GLIS3: variants seen among roughly 807,000 people sequenced by gnomAD.
The protein encoded by GLIS3 is zinc finger protein GLIS3.
Under a neutral mutation model 78.6 loss-of-function variants are expected in GLIS3, and 53 were observed. That is an observed-to-expected ratio of 0.67 (90% CI 0.54 to 0.85). The LOEUF (loss-of-function observed/expected upper bound fraction) is 0.85, where lower values mean the gene tolerates loss of function less well. Among genes scored for constraint, GLIS3 ranks in the 40% least tolerant of loss-of-function variants. The pLI is 0.00. For synonymous variants in GLIS3, 684 were observed against 509.9 expected (o/e 1.34, Z -4.60); for missense variants, 1,703 against 1,231.1 (o/e 1.38, Z -5.74).
chr9:3,986,796 G>A (rs1030761245), intron 4 of GLIS3, among the ~76,000 whole-genome samples: 3 of 152,248 alleles, frequency 2.0e-5, no homozygotes, highest in Non-Finnish European at 4.4e-5. Context: ...TGGAAGCACA[G>A]CCCACTAAAG....
At chr9:4,390,756 T>C in the GLIS3 span, among the ~76,000 whole-genome samples, 1 of 152,150 alleles carries the variant, frequency 6.6e-6, no homozygotes, top group Admixed American at 6.5e-5. Flanking sequence ...ACTCATCCTA[T>C]ACAATGGGGC....
chr9:3,887,994 C>T (rs984142206), intron 7 of GLIS3, among the ~76,000 whole-genome samples: 2 of 152,122 alleles, frequency 1.3e-5, no homozygotes, highest in Admixed American at 6.6e-5. Context: ...TACTCACCTT[C>T]GAAGGATTCA....
At chr9:4,362,786 T>G in the GLIS3 span, among the ~76,000 whole-genome samples, 1 of 152,130 alleles carries the variant, frequency 6.6e-6, no homozygotes, top group South Asian at 2.1e-4. Flanking sequence ...TAGAGCAAAC[T>G]CTGCAGGACC....
intron 4 of GLIS3, among the ~76,000 whole-genome samples, chr9:4,036,328 A>AT (rs1323224294): frequency 6.7e-6 from 1 of 150,324 alleles, no homozygotes. Context: ...TCTAATCTTT[A>AT]TTTTCTACTT....
the GLIS3 span, among the ~76,000 whole-genome samples, chr9:4,419,474 G>C: frequency 6.6e-6 from 1 of 152,106 alleles, no homozygotes; most frequent in Admixed American, 6.6e-5. Flanking sequence ...AGAGAGGGAA[G>C]GGAGGTGCTA....
At chr9:3,867,947 A>G (rs1036557042) in intron 8 of GLIS3, among the ~76,000 whole-genome samples, 2 of 152,148 alleles carry the variant, frequency 1.3e-5, no homozygotes, top group Non-Finnish European at 2.9e-5. Flanking sequence ...AGAAAGAATG[A>G]TGTTCATGAT....
At chr9:3,952,072 T>C (rs13298021) in intron 4 of GLIS3, among the ~76,000 whole-genome samples, 1 of 147,422 alleles carries the variant, frequency 6.8e-6, no homozygotes, top group African/African-American at 2.7e-5. Context: ...ATTTGGAGAA[T>C]GACAATTCAC....
chr9:4,390,449 G>T, the GLIS3 span, among the ~76,000 whole-genome samples: 1 of 151,400 alleles, frequency 6.6e-6, no homozygotes, highest in Non-Finnish European at 1.5e-5. Flanking sequence ...CATTGTACCC[G>T]CAAACTTCTA....
intron 2 of GLIS3, among the ~76,000 whole-genome samples, chr9:4,323,195 C>G (rs562859651): frequency 6.6e-6 from 1 of 152,204 alleles, no homozygotes; most frequent in Non-Finnish European, 1.5e-5. Flanking sequence ...GCTTGTTTTT[C>G]TCAGGTTTGT....
chr9:4,436,702 A>T, the GLIS3 span, among the ~76,000 whole-genome samples: 1 of 148,072 alleles, frequency 6.8e-6, no homozygotes, highest in African/African-American at 2.5e-5. Flanking sequence ...ACTACTCTGG[A>T]GGCTGAGGCA....
At position 4,205,746 on chromosome 9, in the gene GLIS3, T is replaced by C. The variant is rs1158427776; in HGVS notation, c.389-79805A>G. ...GAGACAAGAATTCTCCATGATTGTT[T>C]AAGCCAGTTAAAACTGTTCCAACAA... is the stretch of plus-strand genomic sequence containing the variant. On this transcript the variant is annotated intron_variant, in intron 2 of 10. Transcript: ENST00000381971. Among the ~76,000 whole-genome samples, 7 of 152,318 alleles carry C rather than the reference T, an allele frequency of 4.6e-5. No homozygotes were observed. The East Asian group carries it at 1.2e-3, about 25-fold the overall frequency.
At chr9:3,946,003 C>A (rs1220788177) in intron 4 of GLIS3, among the ~76,000 whole-genome samples, 1 of 152,168 alleles carries the variant, frequency 6.6e-6, no homozygotes, top group African/African-American at 2.4e-5. Context: ...TTAAGCAGCA[C>A]GTTGCTTTTT....
the GLIS3 span, among the ~76,000 whole-genome samples, chr9:4,372,822 T>A: frequency 6.6e-6 from 1 of 152,190 alleles, no homozygotes; most frequent in Non-Finnish European, 1.5e-5. Flanking sequence ...TTATTTCACC[T>A]ACGTTCTCAC....
chr9:3,898,874 C>A (rs778328383), intron 6 of GLIS3, 39 bp from the exon 7 acceptor site: 15 of 1,612,492 alleles, frequency 9.3e-6, no homozygotes, highest in Non-Finnish European at 1.3e-5. Flanking sequence ...ATAAGGAGAG[C>A]CGGTCCTTGG....
chr9:4,322,997 C>G (rs1001585842), intron 2 of GLIS3, among the ~76,000 whole-genome samples: 1 of 152,090 alleles, frequency 6.6e-6, no homozygotes, highest in African/African-American at 2.4e-5. Flanking sequence ...ATGCCTATGT[C>G]CTGAATGGTA....
chr9:4,262,754 C>G (rs957549944), intron 2 of GLIS3, among the ~76,000 whole-genome samples: 2 of 152,074 alleles, frequency 1.3e-5, no homozygotes, highest in Non-Finnish European at 2.9e-5. Flanking sequence ...CCATTTCCTG[C>G]TTCACATTGA....
At chr9:4,295,936 T>C (rs1357767362) in intron 1 of GLIS3, among the ~76,000 whole-genome samples, 1 of 152,194 alleles carries the variant, frequency 6.6e-6, no homozygotes, top group African/African-American at 2.4e-5. Context: ...CAAGTTTTTT[T>C]TTTATCACAC....
At chr9:4,255,166 A>G (rs1824802185) in intron 2 of GLIS3, among the ~76,000 whole-genome samples, 1 of 152,212 alleles carries the variant, frequency 6.6e-6, no homozygotes, top group Admixed American at 6.5e-5. Context: ...GTGAGATACC[A>G]TTACACACCT....
intron 4 of GLIS3, among the ~76,000 whole-genome samples, chr9:3,997,367 A>C (rs1268622234): frequency 6.6e-6 from 1 of 151,980 alleles, no homozygotes; most frequent in Non-Finnish European, 1.5e-5. Flanking sequence ...AAAACAATAA[A>C]AATAAAAATA....
Sources: gnomAD v4.1 joint callset for allele counts (sites outside exome capture counted in the v4.1 genomes callset) on GRCh38, gnomAD v4.1.1 for gene constraint, MANE v1.5 for transcripts, NCBI Gene and HGNC (gene_info 2026-07-23, HGNC 2026-07-21) for gene names.